PPM1H: variants seen among roughly 807,000 people sequenced by gnomAD.
PPM1H encodes the protein protein phosphatase, Mg2+/Mn2+ dependent 1H, also known as protein phosphatase 1H.
A neutral mutation model predicts 54.9 loss-of-function variants in PPM1H; 27 were observed. The ratio of observed to expected loss-of-function variants is 0.49; its 90% confidence interval spans 0.36 to 0.68. The LOEUF (loss-of-function observed/expected upper bound fraction) is 0.68, where lower values mean the gene tolerates loss of function less well. Among genes scored for constraint, PPM1H ranks in the 30% least tolerant of loss-of-function variants. PPM1H has a pLI of 0.00. For missense variants in PPM1H, 596 were observed against 667.8 expected, an observed-to-expected ratio of 0.89 and a Z score of 1.19; for synonymous variants, 305 against 270.8, an observed-to-expected ratio of 1.13 and a Z score of -1.24.
Position 62,802,154 on chromosome 12 carries a change from C to CCTGTG in PPM1H, c.417_418insCACAG (p.Glu140HisfsTer44). The CCTGTG allele has an allele frequency of 6.4e-7, 1 of 1,563,674 alleles. No individual in the cohort carries two copies. Among genetic ancestry groups the CCTGTG allele is most frequent in the African/African-American group, 1.4e-5 (1 of 73,996 alleles). ...GACCAATAGTGGCAGGAAACACCCT[C>CCTGTG]GGATTCCTGTGGGAGAGGACGACAG... is the stretch of plus-strand genomic sequence containing the variant. On this transcript the variant is annotated frameshift_variant, in exon 3 of 10. Transcript: ENST00000228705. LOFTEE classifies it high-confidence loss of function.
intron 2 of PPM1H, among the ~76,000 whole-genome samples, chr12:62,807,299 C>T (rs1463155474): frequency 6.6e-6 from 1 of 152,164 alleles, no homozygotes; most frequent in African/African-American, 2.4e-5. Flanking sequence ...ATCACTCAAG[C>T]TATTCTGTGA....
intron 1 of PPM1H, among the ~76,000 whole-genome samples, chr12:62,851,818 T>A (rs1418007552): frequency 6.6e-6 from 1 of 152,172 alleles, no homozygotes. Context: ...CACTGACCTA[T>A]CTTGCTGAGA....
At chr12:62,790,921 G>A (rs966262389) in intron 3 of PPM1H, among the ~76,000 whole-genome samples, 2 of 152,100 alleles carry the variant, frequency 1.3e-5, no homozygotes, top group Admixed American at 6.5e-5. Flanking sequence ...CATGTGTGAG[G>A]GGCTTAGTAG....
chr12:62,818,615 T>C (rs868839732), intron 2 of PPM1H, among the ~76,000 whole-genome samples: 3 of 151,918 alleles, frequency 2.0e-5, no homozygotes, highest in South Asian at 2.1e-4. Flanking sequence ...TTCTCAGAGG[T>C]AGGCATGTCA....
rs369919464 is a variant in PPM1H, at chr12:62,671,928, T to C, written c.1246-4599A>G. Reference sequence around the variant, plus strand: ...ACTAATATAAGATTTACCTATATGCTTTACTGTGGGTAAATCTTTGTCTGT... The same window carrying C: ...ACTAATATAAGATTTACCTATATGCCTTACTGTGGGTAAATCTTTGTCTGT... On this transcript the variant is annotated intron_variant, in intron 8 of 9. Transcript: ENST00000228705. Among the ~76,000 whole-genome samples the C allele has an allele frequency of 3.9e-5, 6 of 152,226 alleles. No homozygotes were observed. In the East Asian group the frequency reaches 7.7e-4, roughly 20 times the overall value.
chr12:62,811,082 A>C (rs2076832487), intron 2 of PPM1H, among the ~76,000 whole-genome samples: 1 of 152,228 alleles, frequency 6.6e-6, no homozygotes, highest in African/African-American at 2.4e-5. Flanking sequence ...AACATGTATT[A>C]AATGTGCAGC....
chr12:62,651,478 T>A (rs977310909), intron 9 of PPM1H, among the ~76,000 whole-genome samples: 2 of 152,222 alleles, frequency 1.3e-5, no homozygotes, highest in African/African-American at 4.8e-5. Context: ...ACTTTGCATA[T>A]TTTTTAAATG....
At chr12:62,753,481 T>C (rs887361131) in intron 4 of PPM1H, among the ~76,000 whole-genome samples, 1 of 152,222 alleles carries the variant, frequency 6.6e-6, no homozygotes, top group Non-Finnish European at 1.5e-5. Context: ...ACATCTAACA[T>C]CTTTCCACCT....
chr12:62,677,143 A>G (rs189741670), intron 8 of PPM1H, among the ~76,000 whole-genome samples: 5 of 152,252 alleles, frequency 3.3e-5, no homozygotes, highest in Non-Finnish European at 7.4e-5. Context: ...CATCAGGATG[A>G]CCTGCCTGTG....
chr12:62,880,648 C>G (rs1421274309), intron 1 of PPM1H, among the ~76,000 whole-genome samples: 1 of 152,216 alleles, frequency 6.6e-6, no homozygotes, highest in Non-Finnish European at 1.5e-5. Flanking sequence ...TCTGCTCCTC[C>G]CCAGGCTGGG....
chr12:62,691,739 C>A (rs1246006389), intron 7 of PPM1H, among the ~76,000 whole-genome samples: 1 of 151,516 alleles, frequency 6.6e-6, no homozygotes, highest in Non-Finnish European at 1.5e-5. Flanking sequence ...GGGAGGATCA[C>A]CTGATCCTGG....
rs189536470 is a variant in PPM1H, at chr12:62,750,447, C to G, written c.870-12861G>C. ...GGTTCATCCATGTTACAGCATGCAT[C>G]AATACTTCATTCCTTCTTGTGGCTA... On this transcript the variant is annotated intron_variant, in intron 4 of 9. Coordinates refer to ENST00000228705, the MANE Select transcript of PPM1H (RefSeq NM_020700.2). Among the ~76,000 whole-genome samples, 3 of 152,346 alleles carry G rather than the reference C, an allele frequency of 2.0e-5. No individual in the cohort carries two copies. In the East Asian group the frequency reaches 5.8e-4, roughly 29 times the overall value.
At chr12:62,802,573 T>C (rs1007967763) in intron 2 of PPM1H, among the ~76,000 whole-genome samples, 1 of 151,382 alleles carries the variant, frequency 6.6e-6, no homozygotes, top group Non-Finnish European at 1.5e-5. Context: ...TCCCGTCTTT[T>C]TTTTTTTTTT....
intron 2 of PPM1H, among the ~76,000 whole-genome samples, chr12:62,818,620 A>T (rs937283286): frequency 6.6e-6 from 1 of 151,972 alleles, no homozygotes; most frequent in African/African-American, 2.4e-5. Flanking sequence ...AGAGGTAGGC[A>T]TGTCAAGAGG....
At chr12:62,668,461 C>T (rs920236596) in intron 8 of PPM1H, among the ~76,000 whole-genome samples, 1 of 152,178 alleles carries the variant, frequency 6.6e-6, no homozygotes, top group African/African-American at 2.4e-5. Flanking sequence ...CTGCAACCTT[C>T]GCCTCCAGGG....
At chr12:62,913,494 C>T (rs1871522831) in intron 1 of PPM1H, among the ~76,000 whole-genome samples, 1 of 152,158 alleles carries the variant, frequency 6.6e-6, no homozygotes, top group Non-Finnish European at 1.5e-5. Context: ...CCCACACTCG[C>T]TTTCCTTTCC....
chr12:62,831,578 G>C (rs1008065299), intron 2 of PPM1H, among the ~76,000 whole-genome samples: 1 of 151,876 alleles, frequency 6.6e-6, no homozygotes, highest in East Asian at 2.0e-4. Flanking sequence ...GGAGGAGAAA[G>C]GGGCAGAGTC....
At chr12:62,827,804 CCCTTCTCCT>C (rs1868307174) in intron 2 of PPM1H, among the ~76,000 whole-genome samples, 1 of 152,152 alleles carries the variant, frequency 6.6e-6, no homozygotes, top group Non-Finnish European at 1.5e-5. Flanking sequence ...CTTACCCATC[CCCTTCTCCT>C]TGGTTGTTCC....
intron 9 of PPM1H, among the ~76,000 whole-genome samples, chr12:62,652,794 A>G (rs2075823405): frequency 6.6e-6 from 1 of 151,624 alleles, no homozygotes; most frequent in Admixed American, 6.6e-5. Flanking sequence ...AATCATTATC[A>G]TTTACAATCT....
Sources: allele counts gnomAD v4.1 joint callset (sites outside exome capture counted in the v4.1 genomes callset), GRCh38; gene constraint gnomAD v4.1.1; transcripts MANE v1.5; gene names NCBI Gene and HGNC (gene_info 2026-07-23, HGNC 2026-07-21).